The following ZDHHC11B variants were observed in gnomAD, a reference collection of about 807,000 sequenced individuals.
ZDHHC11B encodes the protein zDHHC palmitoyltransferase 11B (putative), also known as probable palmitoyltransferase ZDHHC11B.
A neutral mutation model predicts 42.3 loss-of-function variants in ZDHHC11B; 17 were observed. The ratio of observed to expected loss-of-function variants is 0.40; its 90% CI spans 0.27 to 0.60. The LOEUF (loss-of-function observed/expected upper bound fraction) is 0.60, where lower values mean the gene tolerates loss of function less well. ZDHHC11B is among the 20% of genes least tolerant of loss of function. The pLI is 0.41. For missense variants in ZDHHC11B, 262 were observed against 463.2 expected (o/e 0.57, Z 3.99); for synonymous variants, 123 against 193.5 (o/e 0.64, Z 3.02).
At chr5:720,693 T>A (rs1315196527) in intron 12 of ZDHHC11B, among the ~76,000 whole-genome samples, 1 of 151,824 alleles carries the variant, frequency 6.6e-6, no homozygotes, top group Non-Finnish European at 1.5e-5. Flanking sequence ...AAAAGTCTAA[T>A]GCATAATACA....
chr5:761,233 G>C (rs1261224686), intron 4 of ZDHHC11B, among the ~76,000 whole-genome samples: 1 of 151,882 alleles, frequency 6.6e-6, no homozygotes, highest in Non-Finnish European at 1.5e-5. Flanking sequence ...GTGTCTGGAG[G>C]GCATGTGCTA....
chr5:762,241 C>T (rs1185748198), intron 4 of ZDHHC11B, among the ~76,000 whole-genome samples: 1 of 104,460 alleles, frequency 9.6e-6, no homozygotes, highest in Non-Finnish European at 2.1e-5. Flanking sequence ...GATGGCCACT[C>T]CCAGCCCTGG....
chr5:733,883 G>A (rs4247710), intron 10 of ZDHHC11B, 44 bp from the exon 11 acceptor site: 271,234 of 1,463,302 alleles, frequency 0.19, 26,422 homozygotes, highest in Non-Finnish European at 0.21. Flanking sequence ...TCAGCTTTGT[G>A]GGGGGGCTCA....
chr5:771,446 AT>A (rs1474808757), intron 1 of ZDHHC11B, among the ~76,000 whole-genome samples: 1 of 115,410 alleles, frequency 8.7e-6, no homozygotes, highest in African/African-American at 3.0e-5. Flanking sequence ...GCTGGGCCGC[AT>A]GGGGGCAGGG....
rs188912268 is a variant in ZDHHC11B, at chr5:742,247, C to T, written c.901-619G>A. On this transcript the variant is annotated intron_variant, in intron 9 of 13. Transcript: ENST00000508859. ...AATCCTCTTGCTTGGCCTCCCAAAG[C>T]ACTGAGATTATAGGTGCTTCCCATT... Among the ~76,000 whole-genome samples, 3 of 141,414 alleles carry T rather than the reference C, an allele frequency of 2.1e-5. No homozygotes were observed. The East Asian group carries it at 7.0e-4, about 33-fold the overall frequency. The allele number at this position is 141,414 out of a possible 152,430, so 92.8% of individuals were successfully genotyped here.
intron 1 of ZDHHC11B, among the ~76,000 whole-genome samples, chr5:776,940 A>C (rs1458338318): frequency 6.6e-6 from 1 of 151,894 alleles, no homozygotes; most frequent in Non-Finnish European, 1.5e-5. Flanking sequence ...TTCTCAGCCC[A>C]GGCCGCCTGT....
At chr5:754,386 T>A (rs5028824) in intron 6 of ZDHHC11B, among the ~76,000 whole-genome samples, 7,931 of 23,116 alleles carry the variant, frequency 0.34, 2,770 homozygotes, top group East Asian at 0.76. Context: ...CCTCTCATCC[T>A]TGTGCCTCCA....
At chr5:767,209 A>G (rs1579435083) in intron 3 of ZDHHC11B, among the ~76,000 whole-genome samples, 183 bp downstream of exon 3, 1 of 152,000 alleles carries the variant, frequency 6.6e-6, no homozygotes, top group Admixed American at 6.6e-5. Context: ...GACCCTGGGC[A>G]GAGGACCTGG....
intron 1 of ZDHHC11B, among the ~76,000 whole-genome samples, chr5:769,531 A>C (rs1237205339): frequency 1.3e-5 from 2 of 151,862 alleles, no homozygotes; most frequent in African/African-American, 4.8e-5. Context: ...AAAGACCACC[A>C]GCAGGCATGC....
chr5:751,445 A>T (rs1466586823), intron 6 of ZDHHC11B, among the ~76,000 whole-genome samples, 188 bp from the exon 7 acceptor site: 1 of 26,716 alleles, frequency 3.7e-5, no homozygotes, highest in African/African-American at 9.6e-5. Context: ...AGGCAGGGGC[A>T]GGGACACGCA....
intron 4 of ZDHHC11B, among the ~76,000 whole-genome samples, chr5:766,166 C>A (rs1363963293): frequency 6.6e-6 from 1 of 151,802 alleles, no homozygotes; most frequent in East Asian, 1.9e-4. Flanking sequence ...CAGGCTCCCA[C>A]CCGCTGGAAG....
intron 4 of ZDHHC11B, among the ~76,000 whole-genome samples, chr5:763,517 G>T (rs1734896722): frequency 6.6e-6 from 1 of 151,840 alleles, no homozygotes; most frequent in African/African-American, 2.4e-5. Flanking sequence ...TTGCACTTGG[G>T]GAAAAATCCA....
chr5:728,820 G>A (rs548969739), intron 12 of ZDHHC11B, among the ~76,000 whole-genome samples: 3 of 151,886 alleles, frequency 2.0e-5, no homozygotes, highest in South Asian at 2.1e-4. Context: ...TCAGGAGTTC[G>A]AGACCAGTGT....
chr5:721,511 C>A (rs2126968242), intron 12 of ZDHHC11B, among the ~76,000 whole-genome samples: 1 of 151,382 alleles, frequency 6.6e-6, no homozygotes, highest in Non-Finnish European at 1.5e-5. Context: ...AATAGAGAAG[C>A]TCCCGGGCCC....
At chr5:755,892 C>T in intron 5 of ZDHHC11B, 74 bp downstream of exon 5, 2 of 541,084 alleles carry the variant, frequency 3.7e-6, no homozygotes, top group South Asian at 2.3e-5. Context: ...CCTGAGGGGC[C>T]AGCAGTGACC....
At chr5:744,105 A>G (rs1313325826) in intron 9 of ZDHHC11B, among the ~76,000 whole-genome samples, 2 of 149,878 alleles carry the variant, frequency 1.3e-5, no homozygotes, top group African/African-American at 4.9e-5. Flanking sequence ...ACCGTTCTCT[A>G]TTGGACTAAG....
At chr5:784,180 T>C (rs1737082177) in intron 1 of ZDHHC11B, among the ~76,000 whole-genome samples, 1 of 151,170 alleles carries the variant, frequency 6.6e-6, no homozygotes. Context: ...GGGCCGTTTC[T>C]GTGGCCAGGG....
At chr5:744,795 C>G (rs1458172067) in intron 9 of ZDHHC11B, among the ~76,000 whole-genome samples, 1 of 148,842 alleles carries the variant, frequency 6.7e-6, no homozygotes, top group Admixed American at 6.8e-5. Context: ...TGTTTGAACC[C>G]AGGAGGTGGC....
intron 7 of ZDHHC11B, among the ~76,000 whole-genome samples, chr5:749,011 T>C (rs11743126): frequency 7.9e-3 from 353 of 44,652 alleles, no homozygotes; most frequent in African/African-American, 0.025. Context: ...CACTAAGTGC[T>C]GGGGTCACAG....
Sources: allele counts gnomAD v4.1 joint callset (sites outside exome capture counted in the v4.1 genomes callset), GRCh38; gene constraint gnomAD v4.1.1; transcripts MANE v1.5; gene names NCBI Gene and HGNC (gene_info 2026-07-23, HGNC 2026-07-21).